The following BCOR variants were observed in gnomAD, a reference collection of about 807,000 sequenced individuals.
BCOR encodes BCL-6 corepressor.
Under a neutral mutation model 86.7 loss-of-function variants are expected in BCOR, and 10 were observed. The observed-to-expected ratio is 0.12, with a 90% confidence interval of 0.07 to 0.20. The LOEUF (loss-of-function observed/expected upper bound fraction) is 0.20. Among genes scored for constraint, BCOR ranks in the 10% least tolerant of loss-of-function variants. The pLI, the probability that BCOR is intolerant of heterozygous loss-of-function variation, is 1.00. For synonymous variants in BCOR, 611 were observed against 609.0 expected, an observed-to-expected ratio of 1.00 and a Z score of -0.05; for missense variants, 1,259 against 1,452.1, an observed-to-expected ratio of 0.87 and a Z score of 2.16.
At chrX:40,070,486 G>A (rs1935419873) in intron 6 of BCOR, among the ~76,000 whole-genome samples, 1 of 111,726 alleles carries the variant, frequency 9.0e-6, no homozygotes, top group South Asian at 3.8e-4. Flanking sequence ...GCCCCCTCAT[G>A]CATGCCAGGC....
At chrX:40,091,723 C>A (rs1370678666) in intron 1 of BCOR, among the ~76,000 whole-genome samples, 4 of 113,471 alleles carry the variant, frequency 3.5e-5, no homozygotes, top group Admixed American at 9.2e-5. Flanking sequence ...ACCACCAGGG[C>A]GGCTGGGGGG....
At chrX:40,126,750 G>C (rs1455715492) in intron 1 of BCOR, among the ~76,000 whole-genome samples, 6 of 109,442 alleles carry the variant, frequency 5.5e-5, no homozygotes, top group Non-Finnish European at 1.1e-4. Flanking sequence ...AGCTACCCAG[G>C]AGGCTGAGAT....
chrX:40,118,007 C>T (rs1937423131), intron 1 of BCOR, among the ~76,000 whole-genome samples: 1 of 92,075 alleles, frequency 1.1e-5, no homozygotes, highest in South Asian at 6.0e-4. Context: ...CTTTTCCTCC[C>T]TCCCTATCTG....
intron 1 of BCOR, among the ~76,000 whole-genome samples, chrX:40,159,894 A>G (rs1478903084): frequency 3.6e-5 from 4 of 111,447 alleles, no homozygotes; most frequent in Non-Finnish European, 7.5e-5. Flanking sequence ...TGAGGCAATT[A>G]TTAACTCCAG....
intron 1 of BCOR, among the ~76,000 whole-genome samples, chrX:40,137,808 C>T (rs1481423662): frequency 9.0e-6 from 1 of 111,409 alleles, no homozygotes; most frequent in Non-Finnish European, 1.9e-5. Context: ...TTTTGTGAGC[C>T]TAGGCTTCAC....
At position 40,052,075 on chromosome X, in the gene BCOR, C is replaced by T. The variant is rs1934321952; in HGVS notation, c.*34G>A. 1.8e-6 allele frequency: 2 copies of T among 1,141,171 alleles called. No individual in the cohort carries two copies. The highest frequency in any genetic ancestry group is 1.8e-5 in the African/African-American group (1 of 55,828). The allele number at this position is 1,141,171 out of a possible 1,213,427, so 94.0% of individuals were successfully genotyped here. A position where few individuals can be genotyped will look rare whatever the true frequency, so the allele number is the denominator to read the frequency against. On this transcript the variant is annotated 3_prime_UTR_variant, in exon 15 of 15. Transcript: ENST00000378444. The stretch of plus-strand genomic sequence containing the variant: ...TGACACATATGCACAAGGATTAACA[C>T]TATAACACACTGTACATGGTGGGTC...
rs769780828 is a variant in BCOR at position 40,074,489 on chromosome X, CT to C, written c.856del (p.Ser286AlafsTer92). On this transcript the variant is annotated frameshift_variant, in exon 4 of 15. Coordinates refer to ENST00000378444, the MANE Select transcript of BCOR (RefSeq NM_001123385.2). LOFTEE classifies it high-confidence loss of function. ...IPPLVHCADKSLPWKMGVSPG... is the reference protein window; with the variant it reads ...IPPLVHCADKXLPWKMGVSPG... ...GCTGACGCCCATCTTCCACGGGAGG[CT>C]TTTGTCTGCGCAATGGACGAGAGGC... 8.3e-7 allele frequency: 1 copy of C among 1,205,546 alleles called. No individual in the cohort carries two copies. The highest frequency in any genetic ancestry group is 1.7e-5 in the African/African-American group (1 of 57,800).
At chrX:40,071,798 C>T in intron 4 of BCOR, 108 bp from the exon 5 acceptor site, 1 of 545,186 alleles carries the variant, frequency 1.8e-6, no homozygotes, top group East Asian at 3.5e-5. Flanking sequence ...TGGCTTTATT[C>T]ATCTTTTAAT....
At chrX:40,113,012 A>G (rs1462901549) in intron 1 of BCOR, among the ~76,000 whole-genome samples, 1 of 102,254 alleles carries the variant, frequency 9.8e-6, no homozygotes, top group East Asian at 3.0e-4. Context: ...TTCTACTTCC[A>G]AATAGTCTAT....
rs1409344460 is a variant in BCOR, at chrX:40,074,482, C to T, written c.864G>A (p.Pro288=). 14 of 1,204,175 alleles carry T rather than the reference C, an allele frequency of 1.2e-5. No homozygotes were observed. Among genetic ancestry groups the T allele is most frequent in the Admixed American group, 8.9e-5 (4 of 44,975 alleles). ...TCCCAGGGCTGACGCCCATCTTCCA[C>T]GGGAGGCTTTTGTCTGCGCAATGGA... The part of the protein sequence containing the change: ...PLVHCADKSL[P]WKMGVSPGNP... The change falls in exon 4 of 15, where the codon CCG becomes CCA. Residue 288 remains proline, a synonymous_variant. Transcript: ENST00000378444.
intron 1 of BCOR, among the ~76,000 whole-genome samples, chrX:40,173,771 C>T (rs1279123286): frequency 8.9e-6 from 1 of 112,360 alleles, no homozygotes; most frequent in Non-Finnish European, 1.9e-5. Flanking sequence ...TTCCAGGACA[C>T]CTTTTTTGAT....
In BCOR at chrX:40,084,265, G is replaced by A. The variant is rs776978192; in HGVS notation, c.-40-6296C>T. Among the ~76,000 whole-genome samples, 6 of 112,144 alleles carry A rather than the reference G, an allele frequency of 5.4e-5. No individual in the cohort carries two copies. In the East Asian group the frequency reaches 1.7e-3, roughly 32 times the overall value. ...GGCAGAGCCCATGGCCCGGGGTCAG[G>A]TGCCCCCAACCTCTCTCTCACAGGC... On this transcript the variant is annotated intron_variant, in intron 1 of 14. Coordinates refer to ENST00000378444, the MANE Select transcript of BCOR (RefSeq NM_001123385.2).
chrX:40,105,542 G>A (rs1346321163), intron 1 of BCOR, among the ~76,000 whole-genome samples: 4 of 111,868 alleles, frequency 3.6e-5, no homozygotes, highest in African/African-American at 6.5e-5. Flanking sequence ...CTGTCCCTCT[G>A]CTACCACCAT....
At chrX:40,176,296 G>GTGTAGCCCCGCTCCGGCT (rs1474869078) in intron 1 of BCOR, among the ~76,000 whole-genome samples, 1 of 112,345 alleles carries the variant, frequency 8.9e-6, no homozygotes, top group Non-Finnish European at 1.9e-5. Context: ...TTTGTGTGGT[G>GTGTAGCCCCGCTCCGGCT]TGTAGCCCCG....
upstream of BCOR, among the ~76,000 whole-genome samples, chrX:40,099,270 C>T (rs1043532067): frequency 8.9e-6 from 1 of 112,134 alleles, no homozygotes; most frequent in African/African-American, 3.2e-5. Context: ...GTTCCGGCCT[C>T]CCCGGAGCGC....
chrX:40,172,757 C>T (rs1938656039), intron 1 of BCOR, among the ~76,000 whole-genome samples: 1 of 113,063 alleles, frequency 8.8e-6, no homozygotes, highest in Non-Finnish European at 1.9e-5. Context: ...TAGCCAGCTC[C>T]GCGGGAGAAG....
At chrX:40,109,075 C>CT (rs1396953062) in intron 1 of BCOR, among the ~76,000 whole-genome samples, 7 of 112,776 alleles carry the variant, frequency 6.2e-5, no homozygotes, top group Non-Finnish European at 1.3e-4. Context: ...GAGCGCTGCG[C>CT]TGCTGGGCTG....
intron 14 of BCOR, among the ~76,000 whole-genome samples, chrX:40,052,810 C>T (rs183940168): frequency 0.01 from 1,155 of 110,994 alleles, 6 homozygotes; most frequent in South Asian, 0.02. Flanking sequence ...GTGATCCGCC[C>T]GCCTTGGCCT....
intron 1 of BCOR, among the ~76,000 whole-genome samples, chrX:40,123,993 G>A (rs1166522990): frequency 9.0e-6 from 1 of 111,536 alleles, no homozygotes. Context: ...CCTGGGAAAA[G>A]GCCAGGGCCC....
Sources: allele counts gnomAD v4.1 joint callset (sites outside exome capture counted in the v4.1 genomes callset), GRCh38; gene constraint gnomAD v4.1.1; transcripts MANE v1.5; gene names NCBI Gene and HGNC (gene_info 2026-07-23, HGNC 2026-07-21).